AVEN: variants seen among roughly 807,000 people sequenced by gnomAD.
AVEN encodes the protein cell death regulator Aven.
AVEN carries 41 observed loss-of-function variants against 38.1 expected under a neutral mutation model. That is an observed-to-expected ratio of 1.08 (90% CI 0.84 to 1.40). The LOEUF (loss-of-function observed/expected upper bound fraction) is 1.40, where lower values mean the gene tolerates loss of function less well. Among genes scored for constraint, AVEN ranks in the 40% most tolerant of loss-of-function variants. The probability of loss-of-function intolerance (pLI) is 0.00; values close to 1 mark genes in which losing one functional copy is unlikely to be tolerated. For synonymous variants in AVEN, 206 were observed against 171.8 expected, an observed-to-expected ratio of 1.20 and a Z score of -1.56; for missense variants, 605 against 438.8, an observed-to-expected ratio of 1.38 and a Z score of -3.38.
At chr15:33,853,670 C>T in the AVEN span, 1 of 1,613,676 alleles carries the variant, frequency 6.2e-7, no homozygotes. Context: ...GAAGCGGCTT[C>T]TCTGGTGTCA....
At chr15:33,933,276 A>G (rs1312210673) in intron 2 of AVEN, among the ~76,000 whole-genome samples, 1 of 152,160 alleles carries the variant, frequency 6.6e-6, no homozygotes, top group Non-Finnish European at 1.5e-5. Context: ...TCTGTTCTAC[A>G]CAAAGCTGGA....
intron 2 of AVEN, among the ~76,000 whole-genome samples, chr15:33,952,825 G>C (rs1286659552): frequency 6.6e-6 from 1 of 150,528 alleles, no homozygotes; most frequent in Non-Finnish European, 1.5e-5. Flanking sequence ...AAGTTGGACA[G>C]GCCATACACC....
intron 2 of AVEN, among the ~76,000 whole-genome samples, chr15:33,886,006 G>A (rs1891683355): frequency 6.6e-6 from 1 of 152,170 alleles, no homozygotes; most frequent in South Asian, 2.1e-4. Flanking sequence ...GGAATACAAA[G>A]ATCAGTCTTT....
At chr15:33,922,458 C>G (rs762826645) in intron 2 of AVEN, among the ~76,000 whole-genome samples, 1 of 152,004 alleles carries the variant, frequency 6.6e-6, no homozygotes, top group Non-Finnish European at 1.5e-5. Context: ...ATTTTTGAGA[C>G]AGGGTCTCAC....
rs558622557 is a variant in AVEN, at chr15:33,968,941, T to C, written c.445+34091A>G. On this transcript the variant is annotated intron_variant, in intron 2 of 5. Coordinates refer to ENST00000306730, the MANE Select transcript of AVEN (RefSeq NM_020371.3). ...GGCAAAACTCACCCTTCTGGTTCTATAATCCTATCCAAATGGAGTCTTCAT... is the reference window on the plus strand; with the variant it reads ...GGCAAAACTCACCCTTCTGGTTCTACAATCCTATCCAAATGGAGTCTTCAT... 1.2e-3 allele frequency: 181 copies of C among 152,244 alleles called. 1 individual carries two copies. The highest frequency in any genetic ancestry group is 4.1e-3 in the African/African-American group (171 of 41,572). The allele number at this position is 152,244 out of a possible 1,614,324, so 9.4% of individuals were successfully genotyped here.
At chr15:33,879,380 C>T (rs943901792) in intron 2 of AVEN, among the ~76,000 whole-genome samples, 3 of 122,476 alleles carry the variant, frequency 2.4e-5, no homozygotes, top group Non-Finnish European at 4.7e-5. Context: ...GGAAGGGGAA[C>T]ATCACACTCT....
chr15:33,948,616 T>A (rs189603403), intron 2 of AVEN, among the ~76,000 whole-genome samples: 42 of 152,278 alleles, frequency 2.8e-4, no homozygotes, highest in African/African-American at 1.0e-3. Context: ...CAGCAGGAGT[T>A]TGAGAACCCA....
At chr15:34,053,319 A>AAAAATATATATATATAT (rs775436850) in intron 5 of AVEN, among the ~76,000 whole-genome samples, 3 of 42,066 alleles carry the variant, frequency 7.1e-5, no homozygotes, top group African/African-American at 2.4e-4. Context: ...AAAAAAAAAA[A>AAAAATATATATATATAT]ATATATATAT....
intron 2 of AVEN, among the ~76,000 whole-genome samples, chr15:33,986,466 G>GAATTT (rs1896475304): frequency 1.3e-5 from 2 of 151,952 alleles, no homozygotes. Flanking sequence ...TACAACTACA[G>GAATTT]AATTTTAAAG....
downstream of AVEN, among the ~76,000 whole-genome samples, chr15:33,857,374 CCTTTTCTT>C: frequency 1.3e-5 from 2 of 151,826 alleles, no homozygotes; most frequent in East Asian, 3.9e-4. Context: ...GTCTCCAACT[CCTTTTCTT>C]CTAAGGATGC....
chr15:33,961,630 G>C (rs8028077), intron 2 of AVEN, among the ~76,000 whole-genome samples: 25 of 150,484 alleles, frequency 1.7e-4, no homozygotes, highest in African/African-American at 5.1e-4. Context: ...TGGCTAACAC[G>C]GTGAAACCCC....
At chr15:33,961,609 C>G (rs183881483) in intron 2 of AVEN, among the ~76,000 whole-genome samples, 3,178 of 151,484 alleles carry the variant, frequency 0.021, 42 homozygotes, top group Admixed American at 0.025. Flanking sequence ...GTCAGGAGAT[C>G]GAGACCATTC....
intron 2 of AVEN, among the ~76,000 whole-genome samples, chr15:33,916,796 T>C (rs1415538333): frequency 6.6e-6 from 1 of 151,754 alleles, no homozygotes; most frequent in African/African-American, 2.4e-5. Flanking sequence ...TATAAAAAAC[T>C]GGTGAGACTG....
At chr15:34,070,111 G>A (rs1900596584) in intron 2 of AVEN, among the ~76,000 whole-genome samples, 1 of 152,132 alleles carries the variant, frequency 6.6e-6, no homozygotes. Context: ...TCTTCACAGG[G>A]CAGCAGGAAA....
intron 2 of AVEN, among the ~76,000 whole-genome samples, chr15:33,903,418 C>T (rs1892566160): frequency 6.6e-6 from 1 of 152,172 alleles, no homozygotes. Flanking sequence ...CCTGGGCGCT[C>T]CCAGAGAGGT....
At chr15:34,016,060 T>G (rs1452585658) in intron 1 of AVEN, among the ~76,000 whole-genome samples, 1 of 152,092 alleles carries the variant, frequency 6.6e-6, no homozygotes, top group Non-Finnish European at 1.5e-5. Flanking sequence ...GCGGATCGCC[T>G]GAGGTCAGGA....
intron 5 of AVEN, among the ~76,000 whole-genome samples, chr15:34,052,401 A>G (rs1899956253): frequency 6.6e-6 from 1 of 152,232 alleles, no homozygotes; most frequent in Admixed American, 6.5e-5. Context: ...TACCAAATGG[A>G]CAAAAGCTGG....
At chr15:33,946,795 G>A (rs1027990726) in intron 2 of AVEN, among the ~76,000 whole-genome samples, 3 of 152,162 alleles carry the variant, frequency 2.0e-5, no homozygotes, top group African/African-American at 4.8e-5. Context: ...GCGGTTGCGG[G>A]GAGCGGTTAG....
chr15:33,890,486 A>T (rs1404389139), intron 2 of AVEN, among the ~76,000 whole-genome samples: 1 of 152,216 alleles, frequency 6.6e-6, no homozygotes, highest in Non-Finnish European at 1.5e-5. Flanking sequence ...TATGTGCCAT[A>T]AAGGGGATAA....
Sources: gnomAD v4.1 joint callset for allele counts (sites outside exome capture counted in the v4.1 genomes callset) on GRCh38, gnomAD v4.1.1 for gene constraint, MANE v1.5 for transcripts, NCBI Gene and HGNC (gene_info 2026-07-23, HGNC 2026-07-21) for gene names.